The following RC3H1 variants were observed in gnomAD, a reference collection of about 807,000 sequenced individuals.
The protein encoded by RC3H1 is ring finger and CCCH-type domains 1.
In RC3H1, 50 loss-of-function variants were observed where a neutral mutation model predicts 138.2. That is an observed-to-expected ratio of 0.36 (90% CI 0.29 to 0.46). RC3H1 has a LOEUF of 0.46. Ranked by LOEUF, RC3H1 falls within the 20% of genes least tolerant of loss-of-function variation. RC3H1 has a pLI of 1.00. For missense variants in RC3H1, 1,031 were observed against 1,388.1 expected, an observed-to-expected ratio of 0.74 and a Z score of 4.09; for synonymous variants, 462 against 489.1, an observed-to-expected ratio of 0.94 and a Z score of 0.73.
intron 1 of RC3H1, among the ~76,000 whole-genome samples, chr1:173,996,819 A>G (rs777374751): frequency 2.4e-4 from 36 of 152,132 alleles, no homozygotes; most frequent in Non-Finnish European, 4.4e-5. Context: ...GAATACTCCC[A>G]GTGCTCTCCT....
In RC3H1 at chr1:174,019,572, G is replaced by A. The variant is rs185209070; in HGVS notation, c.-151+2524C>T. 2.0e-5 allele frequency among the ~76,000 whole-genome samples: 3 copies of A among 152,252 alleles called. No homozygotes were observed. The East Asian group carries it at 5.8e-4, about 29-fold the overall frequency. ...TTCATTCAACAAATATGTTCTGAAAGGCGTTGTGTACAAATTACCCTTTTT... is the reference window on the plus strand; with the variant it reads ...TTCATTCAACAAATATGTTCTGAAAAGCGTTGTGTACAAATTACCCTTTTT... On this transcript the variant is annotated intron_variant, in intron 1 of 19. Coordinates refer to ENST00000367696, the MANE Select transcript of RC3H1 (RefSeq NM_172071.4).
chr1:174,004,238 A>G (rs1453753925), intron 1 of RC3H1, among the ~76,000 whole-genome samples: 1 of 151,652 alleles, frequency 6.6e-6, no homozygotes, highest in Admixed American at 6.6e-5. Flanking sequence ...CAGCCTCCCA[A>G]GTAGCCAGGA....
At chr1:173,995,959 A>G (rs1661447147) in intron 1 of RC3H1, among the ~76,000 whole-genome samples, 1 of 152,248 alleles carries the variant, frequency 6.6e-6, no homozygotes, top group African/African-American at 2.4e-5. Flanking sequence ...AATCGATGCA[A>G]TTGAAAAAAT....
At chr1:173,951,326 C>T (rs1659389296) in intron 14 of RC3H1, among the ~76,000 whole-genome samples, 1 of 151,486 alleles carries the variant, frequency 6.6e-6, no homozygotes, top group Non-Finnish European at 1.5e-5. Flanking sequence ...ACTCCATCCC[C>T]CCCCCAAAAA....
At chr1:173,993,974 C>T (rs1212286870) in intron 1 of RC3H1, among the ~76,000 whole-genome samples, 30 of 133,428 alleles carry the variant, frequency 2.2e-4, no homozygotes, top group East Asian at 1.6e-3. Flanking sequence ...GAGCCAAGAT[C>T]GCGCCATTGC....
chr1:173,951,861 A>G, intron 14 of RC3H1, 125 bp downstream of exon 14: 5 of 739,632 alleles, frequency 6.8e-6, no homozygotes, highest in Non-Finnish European at 1.0e-5. Context: ...ACTCAACTGC[A>G]GAGTATAGAA....
At chr1:174,020,555 C>T (rs571645656) in intron 1 of RC3H1, among the ~76,000 whole-genome samples, 3 of 152,210 alleles carry the variant, frequency 2.0e-5, no homozygotes, top group South Asian at 4.1e-4. Context: ...AACCTATAAC[C>T]CTTAGGCCTT....
In RC3H1 at chr1:173,962,039, A is replaced by ATATC. The variant is rs1377694096; in HGVS notation, c.1887_1888insGATA (p.Ser630AspfsTer5). 1 of 1,613,948 alleles carries ATATC rather than the reference A, an allele frequency of 6.2e-7. No homozygotes were observed. Among genetic ancestry groups the ATATC allele is most frequent in the Non-Finnish European group, 8.5e-7 (1 of 1,179,986 alleles). ...TAGGGAGGAGCAGGTTCAGGAGCAG[A>ATATC]TGGTGGAGGTCGGACAAAGCGGGAC... is the stretch of plus-strand genomic sequence containing the variant. On this transcript the variant is annotated frameshift_variant, in exon 12 of 20. Transcript: ENST00000367696. LOFTEE classifies it high-confidence loss of function.
In RC3H1 at chr1:173,961,708, A is replaced by G. The variant is rs776858278; in HGVS notation, c.2202+17T>C. The G allele has an allele frequency of 6.3e-7, 1 of 1,591,852 alleles. No homozygotes were observed. Among genetic ancestry groups the G allele is most frequent in the Non-Finnish European group, 8.6e-7 (1 of 1,169,234 alleles). Reference sequence around the variant, plus strand: ...CAGTCAAATTAAGTCTATGTAATAAAAAAAAATACAGCATACTCTGAGGTA... The same window carrying G: ...CAGTCAAATTAAGTCTATGTAATAAGAAAAAATACAGCATACTCTGAGGTA... On this transcript the variant is annotated intron_variant, in intron 12 of 19. Transcript: ENST00000367696.
chr1:174,022,219 A>G lies in RC3H1; in HGVS notation c.-274T>C, dbSNP rs1661985617. Reference sequence around the variant, plus strand: ...TGATTCTGTCCCAGGCCGCCGGGCCACGGCTGCCGCCGCCACCGCCAGCAC... The same window carrying G: ...TGATTCTGTCCCAGGCCGCCGGGCCGCGGCTGCCGCCGCCACCGCCAGCAC... On this transcript the variant is annotated 5_prime_UTR_variant, in exon 1 of 20. Transcript: ENST00000367696. The surrounding 1 kb of genome is among the most constrained non-coding windows in gnomAD (Gnocchi z 4.2). 1 of 393,086 alleles carries G rather than the reference A, an allele frequency of 2.5e-6. No homozygotes were observed. The highest frequency in any genetic ancestry group is 3.6e-5 in the East Asian group (1 of 27,548). The allele number at this position is 393,086 out of a possible 1,614,324, so 24.3% of individuals were successfully genotyped here. A position where few individuals can be genotyped will look rare whatever the true frequency, so the allele number is the denominator to read the frequency against.
chr1:173,972,876 A>G (rs1056460055), intron 7 of RC3H1, among the ~76,000 whole-genome samples: 1 of 152,252 alleles, frequency 6.6e-6, no homozygotes, highest in South Asian at 2.1e-4. Flanking sequence ...TAGGCCACAC[A>G]ATAGTGGTAA....
At chr1:173,952,441 C>T (rs1252678838) in intron 13 of RC3H1, among the ~76,000 whole-genome samples, 1 of 141,900 alleles carries the variant, frequency 7.0e-6, no homozygotes, top group East Asian at 2.2e-4. Context: ...AATATCCTTC[C>T]AGGAATCAAA....
At chr1:173,996,797 C>A (rs144249451) in intron 1 of RC3H1, among the ~76,000 whole-genome samples, 1 of 152,290 alleles carries the variant, frequency 6.6e-6, no homozygotes, top group Non-Finnish European at 1.5e-5. Flanking sequence ...CTCAGAGACC[C>A]ACTGCTTTGG....
chr1:173,979,466 T>A (rs1186602418), intron 6 of RC3H1, among the ~76,000 whole-genome samples: 1 of 152,086 alleles, frequency 6.6e-6, no homozygotes, highest in Non-Finnish European at 1.5e-5. Flanking sequence ...GCCAACATGG[T>A]GAAACCCCGT....
chr1:174,016,792 C>G (rs1661870871), intron 1 of RC3H1, among the ~76,000 whole-genome samples: 1 of 151,586 alleles, frequency 6.6e-6, no homozygotes, highest in Non-Finnish European at 1.5e-5. Context: ...TCTAAAGCCC[C>G]AAATGGAAAT....
In RC3H1 at chr1:173,961,085, G is replaced by C; in HGVS notation, c.2362C>G (p.Pro788Ala). Residue 788 changes from proline to alanine, a missense_variant, in exon 13 of 20, where the codon CCG becomes GCG. Pro to Ala is a conservative substitution (Grantham distance 27). Coordinates refer to ENST00000367696, the MANE Select transcript of RC3H1 (RefSeq NM_172071.4). ...AAAAATGATTTGCTTACTTCTTCCG[G>C]ATGAAAGGTAGGAGGCAAGGTTGGT... ...PSPTLPPTFH[P>A]EEFLDEDLKV... 6.2e-7 allele frequency: 1 copy of C among 1,612,506 alleles called. No individual in the cohort carries two copies. Among genetic ancestry groups the C allele is most frequent in the Non-Finnish European group, 8.5e-7 (1 of 1,179,414 alleles).
At chr1:173,973,249 T>C (rs1362385389) in intron 7 of RC3H1, among the ~76,000 whole-genome samples, 1 of 152,064 alleles carries the variant, frequency 6.6e-6, no homozygotes, top group Non-Finnish European at 1.5e-5. Context: ...GCTTAAAAAG[T>C]TTAATAAGCC....
rs949971194 is a variant in RC3H1, at chr1:173,937,860, C to T, written c.*861G>A. 1.3e-5 allele frequency: 2 copies of T among 152,084 alleles called. No homozygotes were observed. Among genetic ancestry groups the T allele is most frequent in the African/African-American group, 4.8e-5 (2 of 41,378 alleles). 9.4% of individuals were successfully genotyped at this position (152,084 alleles called of 1,614,324 possible). ...TTCAAATTTCCAACCATGAGCTGAA[C>T]GCAGGCGAAACACCAAACATGTATT... On this transcript the variant is annotated 3_prime_UTR_variant, in exon 20 of 20. Transcript: ENST00000367696.
intron 1 of RC3H1, among the ~76,000 whole-genome samples, chr1:174,020,442 T>A (rs1285225481): frequency 6.6e-6 from 1 of 152,172 alleles, no homozygotes; most frequent in East Asian, 1.9e-4. Flanking sequence ...ATGTTTTTAA[T>A]TAGAACAGAC....
Sources: gnomAD v4.1 joint callset for allele counts (sites outside exome capture counted in the v4.1 genomes callset) on GRCh38, gnomAD v4.1.1 for gene constraint, Gnocchi (gnomAD v3.1) non-coding constraint, MANE v1.5 for transcripts, NCBI Gene and HGNC (gene_info 2026-07-23, HGNC 2026-07-21) for gene names.